Variants in ZNF676 observed in about 807,000 individuals in gnomAD.
The protein encoded by ZNF676 is zinc finger protein 676.
A neutral mutation model predicts 6.0 loss-of-function variants in ZNF676; 4 were observed. That is an observed-to-expected ratio of 0.67 (90% confidence interval 0.33 to 1.53). The LOEUF (loss-of-function observed/expected upper bound fraction) is 1.53, where lower values mean the gene tolerates loss of function less well. Ranked by LOEUF, ZNF676 falls within the 40% of genes most tolerant of loss-of-function variation. The pLI is 0.06. For synonymous variants in ZNF676, 198 were observed against 223.1 expected (o/e 0.89, Z 1.00); for missense variants, 644 against 679.7 (o/e 0.95, Z 0.58).
At chr19:22,211,173 C>G (rs1158765327) in intron 1 of ZNF676, among the ~76,000 whole-genome samples, 3 of 150,840 alleles carry the variant, frequency 2.0e-5, no homozygotes, top group Admixed American at 6.6e-5. Flanking sequence ...ACAATTTTAT[C>G]TTCAATAAGA....
chr19:22,251,857 A>G, the ZNF676 span, among the ~76,000 whole-genome samples: 3 of 151,876 alleles, frequency 2.0e-5, no homozygotes, highest in South Asian at 2.1e-4. Flanking sequence ...TAGCAAACCC[A>G]TATCAGCTTC....
the ZNF676 span, among the ~76,000 whole-genome samples, chr19:22,250,237 G>A: frequency 1.3e-5 from 2 of 151,082 alleles, no homozygotes; most frequent in Admixed American, 6.6e-5. Context: ...TAATTCATAC[G>A]TGAAATGTAG....
chr19:22,260,103 G>A, the ZNF676 span, among the ~76,000 whole-genome samples: 5 of 152,274 alleles, frequency 3.3e-5, no homozygotes, highest in African/African-American at 1.2e-4. Flanking sequence ...GGTGTCCACA[G>A]TTCTGGCCCC....
At chr19:22,192,616 A>G (rs1381685072) in intron 2 of ZNF676, among the ~76,000 whole-genome samples, 1 of 152,148 alleles carries the variant, frequency 6.6e-6, no homozygotes, top group African/African-American at 2.4e-5. Context: ...AAAAACCCCA[A>G]TGATACAGAA....
the ZNF676 span, among the ~76,000 whole-genome samples, chr19:22,241,911 C>CTGGA: frequency 1.3e-5 from 2 of 151,778 alleles, no homozygotes; most frequent in Non-Finnish European, 2.9e-5. Context: ...ACACTGTGTC[C>CTGGA]TTGTGTGAAT....
At chr19:22,229,039 C>T in the ZNF676 span, among the ~76,000 whole-genome samples, 1 of 152,088 alleles carries the variant, frequency 6.6e-6, no homozygotes, top group Admixed American at 6.6e-5. Flanking sequence ...GTCCACATTG[C>T]CAAGACAATC....
the ZNF676 span, among the ~76,000 whole-genome samples, chr19:22,240,225 C>T: frequency 6.7e-6 from 1 of 149,870 alleles, no homozygotes; most frequent in Non-Finnish European, 1.5e-5. Flanking sequence ...GCAGAAGAGC[C>T]ACAGCACCTG....
the ZNF676 span, among the ~76,000 whole-genome samples, chr19:22,235,754 T>A: frequency 6.6e-6 from 1 of 152,142 alleles, no homozygotes; most frequent in Non-Finnish European, 1.5e-5. Flanking sequence ...AATAAGATTA[T>A]GACACAAAGC....
chr19:22,230,308 T>C, the ZNF676 span, among the ~76,000 whole-genome samples: 2 of 152,018 alleles, frequency 1.3e-5, no homozygotes, highest in African/African-American at 4.8e-5. Flanking sequence ...TGAGAATGCA[T>C]GGACACAAGG....
upstream of ZNF676, among the ~76,000 whole-genome samples, chr19:22,217,763 G>T (rs1291629457): frequency 1.3e-5 from 2 of 151,916 alleles, no homozygotes; most frequent in Admixed American, 6.6e-5. Context: ...GACTGCAGTG[G>T]TGCGATCTTG....
chr19:22,197,087 C>CT (rs1186267884), upstream of ZNF676: 1 of 214,510 alleles, frequency 4.7e-6, no homozygotes, highest in East Asian at 1.6e-4. Flanking sequence ...CTTTGGGAGG[C>CT]TGAGGTGGGC....
At chr19:22,190,543 G>A (rs1599712776) in intron 2 of ZNF676, among the ~76,000 whole-genome samples, 1 of 146,526 alleles carries the variant, frequency 6.8e-6, no homozygotes, top group Admixed American at 7.0e-5. Flanking sequence ...TAAAGTTCCT[G>A]ATTTCAAAAG....
At chr19:22,257,687 TCA>T in the ZNF676 span, among the ~76,000 whole-genome samples, 9 of 152,174 alleles carry the variant, frequency 5.9e-5, no homozygotes, top group South Asian at 6.2e-4. Flanking sequence ...CAGTGATAAA[TCA>T]CAGTTTCTTA....
chr19:22,199,257 C>T (rs1443199074), upstream of ZNF676, among the ~76,000 whole-genome samples: 1 of 152,186 alleles, frequency 6.6e-6, no homozygotes, highest in Non-Finnish European at 1.5e-5. Context: ...GTTGCTCCCA[C>T]TGGGCTTATT....
the ZNF676 span, among the ~76,000 whole-genome samples, chr19:22,250,915 T>C: frequency 6.6e-6 from 1 of 152,090 alleles, no homozygotes; most frequent in Admixed American, 6.6e-5. Flanking sequence ...TTTCACCATG[T>C]TGAGCAGGCT....
the ZNF676 span, among the ~76,000 whole-genome samples, chr19:22,233,737 G>C: frequency 6.7e-6 from 1 of 149,540 alleles, no homozygotes. Context: ...GTCACTTTGT[G>C]ACCTCTGTCT....
chr19:22,241,117 T>C, the ZNF676 span, among the ~76,000 whole-genome samples: 1 of 151,972 alleles, frequency 6.6e-6, no homozygotes, highest in Non-Finnish European at 1.5e-5. Context: ...GCTAAGTGCT[T>C]GGCCAAGTGA....
At chr19:22,234,884 GTTAAT>G in the ZNF676 span, among the ~76,000 whole-genome samples, 1 of 151,646 alleles carries the variant, frequency 6.6e-6, no homozygotes, top group Non-Finnish European at 1.5e-5. Context: ...AGTGAGGCAA[GTTAAT>G]GCCATTGCAC....
At chr19:22,243,079 G>A in the ZNF676 span, among the ~76,000 whole-genome samples, 23 of 151,956 alleles carry the variant, frequency 1.5e-4, no homozygotes, top group East Asian at 2.1e-3. Flanking sequence ...CCAGGCAGAA[G>A]AAGTCACATC....
Sources: gnomAD v4.1 joint callset for allele counts (sites outside exome capture counted in the v4.1 genomes callset) on GRCh38, gnomAD v4.1.1 for gene constraint, MANE v1.5 for transcripts, NCBI Gene and HGNC (gene_info 2026-07-23, HGNC 2026-07-21) for gene names.